The following CREBRF variants were observed in gnomAD, a reference collection of about 807,000 sequenced individuals.
The protein encoded by CREBRF is CREB3 regulatory factor.
Under a neutral mutation model 66.1 loss-of-function variants are expected in CREBRF, and 5 were observed. The ratio of observed to expected loss-of-function variants is 0.08; its 90% CI spans 0.04 to 0.16. CREBRF has a LOEUF of 0.16. CREBRF is among the 10% of genes least tolerant of loss of function. The probability of loss-of-function intolerance (pLI) is 1.00; values close to 1 mark genes in which losing one functional copy is unlikely to be tolerated. For missense variants in CREBRF, 531 were observed against 744.9 expected (o/e 0.71, Z 3.34); for synonymous variants, 229 against 264.4 (o/e 0.87, Z 1.30).
chr5:173,080,713 A>G lies in CREBRF; in HGVS notation c.-63A>G. 2 of 1,539,304 alleles carry G rather than the reference A, an allele frequency of 1.3e-6. No homozygotes were observed. The highest frequency in any genetic ancestry group is 1.8e-6 in the Non-Finnish European group (2 of 1,115,424). ...CTTGGAATTGAAAGTAAAGCTGGAA[A>G]GGAATTTACAAACAAGAAAAAAAAG... is the stretch of plus-strand genomic sequence containing the variant. On this transcript the variant is annotated 5_prime_UTR_variant, in exon 2 of 9. Coordinates refer to ENST00000296953, the MANE Select transcript of CREBRF (RefSeq NM_153607.3).
intron 2 of CREBRF, chr5:173,086,232 T>C (rs1679349520): frequency 1.4e-6 from 1 of 738,306 alleles, no homozygotes; most frequent in Admixed American, 1.8e-5. Context: ...GTATCCACTT[T>C]AAATATTTCA....
At chr5:173,063,411 A>G in intron 1 of CREBRF, among the ~76,000 whole-genome samples, 1 of 152,266 alleles carries the variant, frequency 6.6e-6, no homozygotes, top group African/African-American at 2.4e-5. Flanking sequence ...GCTGTTGCCC[A>G]CGCTGGAGTG....
intron 6 of CREBRF, among the ~76,000 whole-genome samples, chr5:173,111,594 T>G (rs1209521585): frequency 1.3e-5 from 2 of 152,256 alleles, no homozygotes; most frequent in Non-Finnish European, 2.9e-5. Context: ...AGTAATAATT[T>G]GTTCCTTTTG....
intron 2 of CREBRF, 79 bp from the exon 3 acceptor site, chr5:173,086,422 G>A: frequency 8.0e-7 from 1 of 1,242,992 alleles, no homozygotes; most frequent in Non-Finnish European, 1.2e-6. Flanking sequence ...CTTAGTGGGG[G>A]TGGGGTTGGG....
intron 7 of CREBRF, among the ~76,000 whole-genome samples, chr5:173,112,813 AATG>A (rs1383427947): frequency 6.6e-6 from 1 of 152,178 alleles, no homozygotes; most frequent in Non-Finnish European, 1.5e-5. Flanking sequence ...TAAATTGAAT[AATG>A]ATATTTTAGG....
At chr5:173,099,759 C>G (rs922336587) in intron 4 of CREBRF, among the ~76,000 whole-genome samples, 5 of 151,942 alleles carry the variant, frequency 3.3e-5, no homozygotes, top group African/African-American at 9.7e-5. Context: ...ACATAAAACA[C>G]AAGTCTTTTT....
intron 1 of CREBRF, among the ~76,000 whole-genome samples, chr5:173,080,045 A>G (rs149401933): frequency 2.0e-5 from 3 of 152,338 alleles, no homozygotes; most frequent in East Asian, 3.9e-4. Flanking sequence ...GCTTATACTT[A>G]TAACTGAAAG....
intron 1 of CREBRF, chr5:173,068,011 A>G (rs1757486624): frequency 9.0e-6 from 3 of 333,710 alleles, no homozygotes; most frequent in South Asian, 4.4e-5. Flanking sequence ...AAAAAAAAAA[A>G]TCTTCAGTTA....
intron 8 of CREBRF, among the ~76,000 whole-genome samples, chr5:173,132,268 G>T (rs1207611495): frequency 6.7e-6 from 1 of 149,958 alleles, no homozygotes; most frequent in African/African-American, 2.5e-5. Context: ...TGTATTTTTC[G>T]TAGAGACAGG....
rs1204631745 is a variant in CREBRF at position 173,135,383 on chromosome 5, C to T, written c.*1638C>T. 1.3e-5 allele frequency: 2 copies of T among 152,428 alleles called. No individual in the cohort carries two copies. The highest frequency in any genetic ancestry group is 2.9e-5 in the Non-Finnish European group (2 of 67,920). 9.4% of individuals were successfully genotyped at this position (152,428 alleles called of 1,614,324 possible). A position where few individuals can be genotyped will look rare whatever the true frequency, so the allele number is the denominator to read the frequency against. On this transcript the variant is annotated 3_prime_UTR_variant, in exon 9 of 9. Coordinates refer to ENST00000296953, the MANE Select transcript of CREBRF (RefSeq NM_153607.3). ...GTGTTTTAACTGTGTTCAAGCTTTA[C>T]CTCTTGATGAGAAATTTCTTATGTC...
chr5:173,065,350 G>A (rs975011852), intron 1 of CREBRF, among the ~76,000 whole-genome samples: 2 of 152,164 alleles, frequency 1.3e-5, no homozygotes, highest in Admixed American at 6.5e-5. Flanking sequence ...GGAAACTGAT[G>A]TGTAAGATTT....
At chr5:173,061,721 T>G (rs1448471051) in intron 1 of CREBRF, among the ~76,000 whole-genome samples, 1 of 152,196 alleles carries the variant, frequency 6.6e-6, no homozygotes, top group Non-Finnish European at 1.5e-5. Context: ...CTTGAAGAAT[T>G]AAAGAGAGTA....
intron 4 of CREBRF, among the ~76,000 whole-genome samples, chr5:173,107,220 G>A (rs184405794): frequency 7.0e-4 from 106 of 152,234 alleles, no homozygotes; most frequent in Non-Finnish European, 1.3e-3. Context: ...ACCTTCTTAT[G>A]TTTTCAGGAA....
intron 7 of CREBRF, among the ~76,000 whole-genome samples, chr5:173,115,181 A>G (rs1169126456): frequency 6.7e-6 from 1 of 149,772 alleles, no homozygotes; most frequent in Non-Finnish European, 1.5e-5. Flanking sequence ...ATCTCGGCTC[A>G]CCGCAACCTC....
chr5:173,116,800 C>T (rs531665368), intron 7 of CREBRF, among the ~76,000 whole-genome samples: 1 of 152,314 alleles, frequency 6.6e-6, no homozygotes, highest in East Asian at 1.9e-4. Flanking sequence ...TAAGAAACTG[C>T]TAAACTGTTT....
intron 1 of CREBRF, among the ~76,000 whole-genome samples, chr5:173,058,496 T>TA (rs1380290829): frequency 6.6e-6 from 1 of 151,924 alleles, no homozygotes. Context: ...TTTTTTTTTT[T>TA]AATTTGAGAC....
At chr5:173,092,429 G>A (rs1408651320) in intron 4 of CREBRF, 2 of 985,210 alleles carry the variant, frequency 2.0e-6, no homozygotes, top group South Asian at 4.7e-5. Context: ...TTACATGCTT[G>A]GGCTTTTGGC....
In CREBRF at chr5:173,138,545, G is replaced by C. The variant is rs1044855863; in HGVS notation, c.*4800G>C. The C allele has an allele frequency of 6.6e-6, 1 of 152,110 alleles. No individual in the cohort carries two copies. Among genetic ancestry groups the C allele is most frequent in the Non-Finnish European group, 1.5e-5 (1 of 68,000 alleles). The allele number at this position is 152,110 out of a possible 1,614,324, so 9.4% of individuals were successfully genotyped here. ...ACAGTATTTTGGAATTGAAGACTTGGTAACTAGTGAAGAACATCAAAGTTG... is the reference window on the plus strand; with the variant it reads ...ACAGTATTTTGGAATTGAAGACTTGCTAACTAGTGAAGAACATCAAAGTTG... On this transcript the variant is annotated 3_prime_UTR_variant, in exon 9 of 9. Coordinates refer to ENST00000296953, the MANE Select transcript of CREBRF (RefSeq NM_153607.3).
rs70984939 is a variant in CREBRF at position 173,100,118 on chromosome 5, G to GTGTGTGTGTGTGTATATA, written c.1223-8505_1223-8504insGTGTGTGTGTGTATATAT. ...TGTGTGTGTGTGTGTGTGTGTGTGT[G>GTGTGTGTGTGTGTATATA]TATATATATATAATTTTTTTTTTTT... On this transcript the variant is annotated intron_variant, in intron 4 of 8. Coordinates refer to ENST00000296953, the MANE Select transcript of CREBRF (RefSeq NM_153607.3). 1.8e-3 allele frequency among the ~76,000 whole-genome samples: 159 copies of GTGTGTGTGTGTGTATATA among 88,360 alleles called. 1 individual carries two copies. Among genetic ancestry groups the GTGTGTGTGTGTGTATATA allele is most frequent in the Non-Finnish European group, 2.9e-3 (136 of 46,786 alleles). 58.0% of individuals were successfully genotyped at this position (88,360 alleles called of 152,430 possible).
Sources: gnomAD v4.1 joint callset for allele counts (sites outside exome capture counted in the v4.1 genomes callset) on GRCh38, gnomAD v4.1.1 for gene constraint, MANE v1.5 for transcripts, NCBI Gene and HGNC (gene_info 2026-07-23, HGNC 2026-07-21) for gene names.